The following EIF4E3 variants were observed in gnomAD, a reference collection of about 807,000 sequenced individuals.
The protein encoded by EIF4E3 is eukaryotic translation initiation factor 4E type 3.
A neutral mutation model predicts 31.7 loss-of-function variants in EIF4E3; 26 were observed. The observed-to-expected ratio is 0.82, with a 90% CI of 0.60 to 1.14. The LOEUF (loss-of-function observed/expected upper bound fraction) is 1.14. Among genes scored for constraint, EIF4E3 ranks in the 50% most tolerant of loss-of-function variants. The pLI, the probability that EIF4E3 is intolerant of heterozygous loss-of-function variation, is 0.00. For synonymous variants in EIF4E3, 128 were observed against 107.7 expected (o/e 1.19, Z -1.17); for missense variants, 304 against 270.9 (o/e 1.12, Z -0.86).
downstream of EIF4E3, among the ~76,000 whole-genome samples, chr3:71,670,662 G>T (rs1346121503): frequency 6.6e-6 from 1 of 152,198 alleles, no homozygotes; most frequent in South Asian, 2.1e-4. Context: ...TTCTACTGTA[G>T]AATGGAATTT....
intron 6 of EIF4E3, among the ~76,000 whole-genome samples, chr3:71,686,172 T>C (rs1350953994): frequency 1.3e-5 from 2 of 151,950 alleles, no homozygotes; most frequent in African/African-American, 2.4e-5. Flanking sequence ...TTTTGATTGA[T>C]AGAGACAGGG....
chr3:71,754,553 C>T, upstream of EIF4E3: 3 of 1,359,278 alleles, frequency 2.2e-6, no homozygotes, highest in Non-Finnish European at 2.8e-6. The surrounding 1 kb of genome is among the most constrained non-coding windows in gnomAD (Gnocchi z 5.8). Flanking sequence ...ACGACGAGGA[C>T]GCGCCGTGCG....
intron 1 of EIF4E3, among the ~76,000 whole-genome samples, chr3:71,720,618 C>T (rs2049533114): frequency 6.6e-6 from 1 of 152,176 alleles, no homozygotes; most frequent in South Asian, 2.1e-4. Context: ...AAAAGAGGTC[C>T]TCTTAGGTGG....
downstream of EIF4E3, among the ~76,000 whole-genome samples, chr3:71,671,284 C>T (rs2048845903): frequency 6.6e-6 from 1 of 152,004 alleles, no homozygotes; most frequent in African/African-American, 2.4e-5. Flanking sequence ...CCTTGGCTCA[C>T]CCTCAGAGCA....
rs375172098 is a variant in EIF4E3, at chr3:71,678,841, A to G, written c.*5841T>C. 4.6e-5 allele frequency: 7 copies of G among 152,334 alleles called. No individual in the cohort carries two copies. In the East Asian group the frequency reaches 1.2e-3, roughly 25 times the overall value. The allele number at this position is 152,334 out of a possible 1,614,324, so 9.4% of individuals were successfully genotyped here. On this transcript the variant is annotated 3_prime_UTR_variant, in exon 7 of 7. Coordinates refer to ENST00000425534, the MANE Select transcript of EIF4E3 (RefSeq NM_001134651.2). ...AATAACTTTCAATGTAAGATTTTAA[A>G]TTTGGGACAAATAATGTTAGCTGTC...
chr3:71,661,966 CTT>C, the EIF4E3 span, among the ~76,000 whole-genome samples: 9 of 152,184 alleles, frequency 5.9e-5, no homozygotes, highest in Non-Finnish European at 1.0e-4. Flanking sequence ...GGACAAGTCA[CTT>C]TGCCTCGCTA....
chr3:71,675,305 CT>C (rs1405004075), downstream of EIF4E3: 1 of 152,220 alleles, frequency 6.6e-6, no homozygotes, highest in Non-Finnish European at 1.5e-5. Flanking sequence ...TCTTTTTCAC[CT>C]GCCATCCACA....
upstream of EIF4E3, chr3:71,754,125 A>G (rs2049972587): frequency 1.4e-6 from 2 of 1,434,304 alleles, no homozygotes; most frequent in Non-Finnish European, 1.8e-6. The surrounding 1 kb of genome is among the most constrained non-coding windows in gnomAD (Gnocchi z 5.8). Context: ...GGCCACGCTC[A>G]GCCTGCTGCT....
In EIF4E3 at chr3:71,692,880, C is replaced by A. The variant is rs538844364; in HGVS notation, c.472+995G>T. On this transcript the variant is annotated intron_variant, in intron 5 of 6. Transcript: ENST00000425534. Reference sequence around the variant, plus strand: ...AAAGTGCTGGGATTACAGTCATGGGCCACCACGCCCAGCGCAGGTTTTATC... The same window carrying A: ...AAAGTGCTGGGATTACAGTCATGGGACACCACGCCCAGCGCAGGTTTTATC... 4.6e-5 allele frequency among the ~76,000 whole-genome samples: 7 copies of A among 152,208 alleles called. No individual in the cohort carries two copies. In the South Asian group the frequency reaches 6.2e-4, roughly 14 times the overall value.
At chr3:71,701,601 A>G (rs1280493250) in intron 2 of EIF4E3, among the ~76,000 whole-genome samples, 1 of 152,262 alleles carries the variant, frequency 6.6e-6, no homozygotes, top group African/African-American at 2.4e-5. Context: ...GTCTGAGGAA[A>G]GCAGCACGAG....
chr3:71,727,017 C>A (rs1247304147), upstream of EIF4E3, among the ~76,000 whole-genome samples: 2 of 152,174 alleles, frequency 1.3e-5, no homozygotes, highest in Non-Finnish European at 2.9e-5. Flanking sequence ...AGATGAGGAA[C>A]AGAGATAAGA....
At chr3:71,711,941 C>T (rs894953922) in intron 1 of EIF4E3, among the ~76,000 whole-genome samples, 1 of 152,114 alleles carries the variant, frequency 6.6e-6, no homozygotes, top group South Asian at 2.1e-4. Flanking sequence ...CGAGGTCGGG[C>T]CACTGTACTC....
chr3:71,699,810 T>C, intron 2 of EIF4E3, 102 bp from the exon 3 acceptor site: 1 of 898,660 alleles, frequency 1.1e-6, no homozygotes, highest in East Asian at 2.6e-5. Flanking sequence ...TTGATTCTCA[T>C]TGTTTTATCC....
intron 2 of EIF4E3, among the ~76,000 whole-genome samples, chr3:71,704,497 T>A (rs1343414818): frequency 1.3e-5 from 2 of 152,138 alleles, no homozygotes; most frequent in African/African-American, 4.8e-5. Context: ...GCCACAACCT[T>A]ATAGAGTTCC....
rs1315028042 is a variant in EIF4E3, at chr3:71,678,800, A to C, written c.*5882T>G. 2 of 152,314 alleles carry C rather than the reference A, an allele frequency of 1.3e-5. No homozygotes were observed. The highest frequency in any genetic ancestry group is 3.9e-4 in the East Asian group (2 of 5,186). 9.4% of individuals were successfully genotyped at this position (152,314 alleles called of 1,614,324 possible). On this transcript the variant is annotated 3_prime_UTR_variant, in exon 7 of 7. Transcript: ENST00000425534. ...ACCTGGTTCAACTTACACAGGTAAGACTATTCTAAAGAATTAATAACTTTC... is the reference window on the plus strand; with the variant it reads ...ACCTGGTTCAACTTACACAGGTAAGCCTATTCTAAAGAATTAATAACTTTC...
chr3:71,684,867 T>C, intron 6 of EIF4E3, 139 bp from the exon 7 acceptor site: 1 of 802,162 alleles, frequency 1.2e-6, no homozygotes, highest in Non-Finnish European at 1.9e-6. Flanking sequence ...ATTTATTTAT[T>C]TTTTTGCCAG....
rs2048922646 is a variant in EIF4E3 at position 71,681,473 on chromosome 3, T to TGAGAGGGA, written c.*3201_*3208dup. The TGAGAGGGA allele has an allele frequency of 1.3e-5, 2 of 152,382 alleles. No homozygotes were observed. Among genetic ancestry groups the TGAGAGGGA allele is most frequent in the South Asian group, 4.1e-4 (2 of 4,828 alleles). 9.4% of individuals were successfully genotyped at this position (152,382 alleles called of 1,614,324 possible). The stretch of plus-strand genomic sequence containing the variant: ...CAAACCCCAGCACCACTTCTGTCTC[T>TGAGAGGGA]GAGAGGGAGAGGGAGAGAAGGAGGA... On this transcript the variant is annotated 3_prime_UTR_variant, in exon 7 of 7. Coordinates refer to ENST00000425534, the MANE Select transcript of EIF4E3 (RefSeq NM_001134651.2).
chr3:71,663,144 C>T, the EIF4E3 span, among the ~76,000 whole-genome samples: 3 of 152,150 alleles, frequency 2.0e-5, no homozygotes, highest in East Asian at 5.8e-4. Context: ...GAACAGGTGG[C>T]CTCCTGCTCC....
chr3:71,672,910 G>A (rs963306125), downstream of EIF4E3, among the ~76,000 whole-genome samples: 4 of 152,094 alleles, frequency 2.6e-5, no homozygotes, highest in Non-Finnish European at 4.4e-5. Flanking sequence ...GTAAGACCCA[G>A]AAAACATTTA....
Sources: gnomAD v4.1 joint callset for allele counts (sites outside exome capture counted in the v4.1 genomes callset) on GRCh38, gnomAD v4.1.1 for gene constraint, Gnocchi (gnomAD v3.1) non-coding constraint, MANE v1.5 for transcripts, NCBI Gene and HGNC (gene_info 2026-07-23, HGNC 2026-07-21) for gene names.